ACOXL: variants seen among roughly 807,000 people sequenced by gnomAD.
ACOXL encodes the protein acyl-coenzyme A oxidase-like protein.
In ACOXL, 70 loss-of-function variants were observed where a neutral mutation model predicts 71.9. That is an observed-to-expected ratio of 0.97 (90% CI 0.80 to 1.19). The LOEUF is 1.19. ACOXL is among the 50% of genes most tolerant of loss of function. The pLI is 0.00. For synonymous variants in ACOXL, 253 were observed against 281.6 expected (o/e 0.90, Z 1.02); for missense variants, 703 against 736.3 (o/e 0.95, Z 0.52).
chr2:110,755,250 T>G (rs962322868), intron 1 of ACOXL, among the ~76,000 whole-genome samples: 1 of 152,098 alleles, frequency 6.6e-6, no homozygotes, highest in African/African-American at 2.4e-5. Context: ...CCAGAACTGA[T>G]GCCATAAACC....
intron 8 of ACOXL, among the ~76,000 whole-genome samples, chr2:110,802,028 C>T (rs1393943896): frequency 6.6e-6 from 1 of 152,092 alleles, no homozygotes; most frequent in Non-Finnish European, 1.5e-5. Context: ...TAAGCGAGAT[C>T]CACTTCTAGA....
At chr2:111,067,368 A>G (rs1473343913) in intron 16 of ACOXL, among the ~76,000 whole-genome samples, 1 of 152,246 alleles carries the variant, frequency 6.6e-6, no homozygotes, top group Non-Finnish European at 1.5e-5. Context: ...GGATGAATCA[A>G]GTATCCAATT....
At position 110,798,656 on chromosome 2, in the gene ACOXL, T is replaced by G; in HGVS notation, c.392T>G (p.Ile131Ser). ...TPCENAEKMY[I>S]GNAMYGNYAA... The stretch of plus-strand genomic sequence containing the variant: ...TGTGAAAATGCGGAGAAGATGTATA[T>G]TGGAAATGCCATGTACGGGAATTAT... Residue 131 changes from isoleucine (I) to serine (S), a missense_variant, in exon 6 of 18, where the codon ATT becomes AGT. Physicochemically the swap from Ile to Ser is moderately radical, Grantham distance 142. Coordinates refer to ENST00000439055, the MANE Select transcript of ACOXL (RefSeq NM_001142807.4). 1 of 1,614,152 alleles carries G rather than the reference T, an allele frequency of 6.2e-7. No homozygotes were observed. The highest frequency in any genetic ancestry group is 8.5e-7 in the Non-Finnish European group (1 of 1,180,036).
intron 11 of ACOXL, among the ~76,000 whole-genome samples, chr2:110,929,571 G>A (rs1415287442): frequency 6.6e-6 from 1 of 152,230 alleles, no homozygotes; most frequent in Non-Finnish European, 1.5e-5. Flanking sequence ...TGTATAAATA[G>A]TGAGGAACCA....
chr2:110,885,281 G>C (rs530186459), intron 10 of ACOXL, among the ~76,000 whole-genome samples: 6 of 152,066 alleles, frequency 3.9e-5, no homozygotes, highest in Non-Finnish European at 8.8e-5. Context: ...GGAGAACCAG[G>C]CCCTTAAAAC....
At position 110,732,723 on chromosome 2, in the gene ACOXL, C is replaced by T. The variant is rs1485959276; in HGVS notation, c.-74C>T. 2 of 152,508 alleles carry T rather than the reference C, an allele frequency of 1.3e-5. No individual in the cohort carries two copies. The highest frequency in any genetic ancestry group is 2.9e-5 in the Non-Finnish European group (2 of 68,050). The allele number at this position is 152,508 out of a possible 1,614,324, so 9.4% of individuals were successfully genotyped here. Reference sequence around the variant, plus strand: ...CTACCTGGACGGCGACTTCTGGAGCCTCAAGAACGAGCTGCGCGGACTCCT... The same window carrying T: ...CTACCTGGACGGCGACTTCTGGAGCTTCAAGAACGAGCTGCGCGGACTCCT... On this transcript the variant is annotated 5_prime_UTR_variant, in exon 1 of 18. Transcript: ENST00000439055.
chr2:110,786,734 G>A (rs957725204), intron 3 of ACOXL, among the ~76,000 whole-genome samples: 22 of 152,214 alleles, frequency 1.4e-4, no homozygotes, highest in African/African-American at 4.8e-4. Context: ...CACAGGGATC[G>A]TCTGAATGAA....
At chr2:111,035,141 C>T (rs1164154960) in intron 15 of ACOXL, among the ~76,000 whole-genome samples, 11 of 152,150 alleles carry the variant, frequency 7.2e-5, no homozygotes, top group African/African-American at 2.7e-4. Context: ...GCTGGGATTA[C>T]AGGCGTGAGC....
At chr2:110,930,991 G>A (rs2060461190) in intron 11 of ACOXL, among the ~76,000 whole-genome samples, 1 of 152,198 alleles carries the variant, frequency 6.6e-6, no homozygotes, top group African/African-American at 2.4e-5. Context: ...TTGAGTGGAT[G>A]TAACCCATAA....
At chr2:110,907,377 C>G (rs147121823) in intron 10 of ACOXL, among the ~76,000 whole-genome samples, 2 of 152,290 alleles carry the variant, frequency 1.3e-5, no homozygotes, top group Admixed American at 6.5e-5. Context: ...AATTCTGGGG[C>G]GACACAGTTC....
rs139366089 is a variant in ACOXL at position 110,768,669 on chromosome 2, C to T, written c.75+205C>T. On this transcript the variant is annotated intron_variant, in intron 2 of 17. Coordinates refer to ENST00000439055, the MANE Select transcript of ACOXL (RefSeq NM_001142807.4). ...ACCCCAGTAGTGGGCACTGAACTCACGATAGGTAGTTTTTTGACCCTCACC... is the reference window on the plus strand; with the variant it reads ...ACCCCAGTAGTGGGCACTGAACTCATGATAGGTAGTTTTTTGACCCTCACC... Among the ~76,000 whole-genome samples the T allele has an allele frequency of 1.1e-3, 160 of 152,184 alleles. 1 individual carries two copies. Among genetic ancestry groups the T allele is most frequent in the Middle Eastern group, 3.4e-3 (1 of 294 alleles).
rs935921066 is a variant in ACOXL at position 110,932,773 on chromosome 2, T to A, written c.906-716T>A. Among the ~76,000 whole-genome samples the A allele has an allele frequency of 5.3e-5, 8 of 152,312 alleles. 1 individual carries two copies. Among genetic ancestry groups the A allele is most frequent in the African/African-American group, 1.7e-4 (7 of 41,580 alleles). On this transcript the variant is annotated intron_variant, in intron 11 of 17. Transcript: ENST00000439055. Reference sequence around the variant, plus strand: ...GGGTCAAGGGGTGCCTAGACAGATGTCAGCGTAAGCAGTGAGGCCTGTAAA... The same window carrying A: ...GGGTCAAGGGGTGCCTAGACAGATGACAGCGTAAGCAGTGAGGCCTGTAAA...
intron 8 of ACOXL, among the ~76,000 whole-genome samples, chr2:110,802,788 A>T (rs1322520871): frequency 2.0e-5 from 3 of 152,194 alleles, no homozygotes; most frequent in Admixed American, 1.3e-4. Flanking sequence ...TTACAGTTGT[A>T]TGGAAGAAAT....
chr2:110,765,124 T>G (rs1680885853), intron 1 of ACOXL, among the ~76,000 whole-genome samples: 1 of 152,362 alleles, frequency 6.6e-6, no homozygotes, highest in African/African-American at 2.4e-5. Flanking sequence ...CTGGCCTCTG[T>G]AGTTTCCAGT....
chr2:111,093,388 G>C, intron 17 of ACOXL: 1 of 1,511,844 alleles, frequency 6.6e-7, no homozygotes, highest in Non-Finnish European at 9.1e-7. Context: ...AAAAGAAGGT[G>C]AGGCCAGTAT....
At chr2:110,818,123 A>G (rs919198443) in intron 9 of ACOXL, among the ~76,000 whole-genome samples, 1 of 151,978 alleles carries the variant, frequency 6.6e-6, no homozygotes, top group Non-Finnish European at 1.5e-5. Flanking sequence ...GGCCGGGTGC[A>G]GTGGGTCATG....
chr2:110,977,213 C>T (rs529235170), intron 12 of ACOXL, among the ~76,000 whole-genome samples: 96 of 151,952 alleles, frequency 6.3e-4, no homozygotes, highest in South Asian at 2.7e-3. Flanking sequence ...GGTGAAACCC[C>T]GTCTCTACTA....
intron 15 of ACOXL, among the ~76,000 whole-genome samples, chr2:111,048,133 C>T (rs149830050): frequency 5.9e-5 from 9 of 152,332 alleles, no homozygotes; most frequent in South Asian, 2.1e-4. Context: ...TGTCCCTCAG[C>T]CTTGAGGCTG....
intron 14 of ACOXL, among the ~76,000 whole-genome samples, chr2:111,015,589 A>G (rs1171121891): frequency 2.0e-5 from 3 of 152,230 alleles, no homozygotes; most frequent in Non-Finnish European, 2.9e-5. Flanking sequence ...GTACACCTAT[A>G]CTATGAGCCA....
Sources: gnomAD v4.1 joint callset for allele counts (sites outside exome capture counted in the v4.1 genomes callset) on GRCh38, gnomAD v4.1.1 for gene constraint, MANE v1.5 for transcripts, NCBI Gene and HGNC (gene_info 2026-07-23, HGNC 2026-07-21) for gene names.